CREBBP: variants seen among roughly 807,000 people sequenced by gnomAD.
The protein encoded by CREBBP is CREB binding lysine acetyltransferase.
A neutral mutation model predicts 265.0 loss-of-function variants in CREBBP; 19 were observed. The observed-to-expected ratio is 0.07, with a 90% CI of 0.05 to 0.11. The LOEUF (loss-of-function observed/expected upper bound fraction) is 0.11, where lower values mean the gene tolerates loss of function less well. CREBBP is among the 10% of genes least tolerant of loss of function. The pLI, the probability that CREBBP is intolerant of heterozygous loss-of-function variation, is 1.00. For missense variants in CREBBP, 2,525 were observed against 3,219.0 expected, an observed-to-expected ratio of 0.78 and a Z score of 5.22; for synonymous variants, 1,457 against 1,223.7, an observed-to-expected ratio of 1.19 and a Z score of -3.98.
chr16:3,848,117 C>T (rs1322016313), intron 2 of CREBBP, among the ~76,000 whole-genome samples: 1 of 151,740 alleles, frequency 6.6e-6, no homozygotes, highest in Non-Finnish European at 1.5e-5. Context: ...TTGCAGTGAG[C>T]CCAGATGGTG....
rs764396354 is a variant in CREBBP, at chr16:3,727,766, G to A, written c.7281C>T (p.Val2427=). ...RSALSSELSL[V]GDTTGDTLEK... ...CTAGCGTGTCCCCCGTGGTGTCCCCGACCAGGGACAGTTCGCTGGACAGCG... is the reference window on the plus strand; with the variant it reads ...CTAGCGTGTCCCCCGTGGTGTCCCCAACCAGGGACAGTTCGCTGGACAGCG... Residue 2427 remains valine (V), a synonymous_variant, in exon 31 of 31, where the codon GTC becomes GTT. Coordinates refer to ENST00000262367, the MANE Select transcript of CREBBP (RefSeq NM_004380.3). 9 of 1,614,002 alleles carry A rather than the reference G, an allele frequency of 5.6e-6. No individual in the cohort carries two copies. Among genetic ancestry groups the A allele is most frequent in the African/African-American group, 5.3e-5 (4 of 74,892 alleles).
chr16:3,875,987 A>T (rs908001759), intron 1 of CREBBP, among the ~76,000 whole-genome samples: 1 of 152,172 alleles, frequency 6.6e-6, no homozygotes, highest in Admixed American at 6.5e-5. Flanking sequence ...AGAGCCACTT[A>T]TACAGCACAG....
At chr16:3,755,706 C>T (rs2052570311) in intron 19 of CREBBP, among the ~76,000 whole-genome samples, 1 of 152,056 alleles carries the variant, frequency 6.6e-6, no homozygotes, top group African/African-American at 2.4e-5. Flanking sequence ...TAGGAAGGGG[C>T]TATGGTATCA....
intron 1 of CREBBP, among the ~76,000 whole-genome samples, chr16:3,871,232 CA>C (rs1597087108): frequency 6.6e-6 from 1 of 151,220 alleles, no homozygotes; most frequent in Non-Finnish European, 1.5e-5. Flanking sequence ...CACACACACA[CA>C]CCCCACCCTG....
intron 1 of CREBBP, among the ~76,000 whole-genome samples, chr16:3,873,985 G>C (rs1025289752): frequency 1.3e-5 from 2 of 152,176 alleles, no homozygotes; most frequent in Non-Finnish European, 2.9e-5. Context: ...GCTGGGAAGA[G>C]GGCCGTGGAA....
At chr16:3,855,359 C>A (rs1200752556) in intron 1 of CREBBP, among the ~76,000 whole-genome samples, 1 of 152,174 alleles carries the variant, frequency 6.6e-6, no homozygotes, top group African/African-American at 2.4e-5. Context: ...CCTTTGCCTC[C>A]CGGGTTCAAG....
chr16:3,846,855 T>C (rs1004077323), intron 2 of CREBBP, among the ~76,000 whole-genome samples: 15 of 152,350 alleles, frequency 9.8e-5, no homozygotes, highest in African/African-American at 3.6e-4. Flanking sequence ...GGTGAGAATT[T>C]GGGAGAACCA....
At chr16:3,740,658 G>T in intron 23 of CREBBP, 109 bp from the exon 24 acceptor site, 1 of 1,263,298 alleles carries the variant, frequency 7.9e-7, no homozygotes, top group Non-Finnish European at 1.1e-6. Flanking sequence ...TATTTTAAAG[G>T]ACTAATGTTC....
intron 1 of CREBBP, among the ~76,000 whole-genome samples, chr16:3,871,195 TCACTCACACACACACACACA>T (rs1398025572): frequency 4.8e-3 from 377 of 79,212 alleles, no homozygotes; most frequent in African/African-American, 0.017. Context: ...TCTCTCTCTC[TCACTCACACACACACACACA>T]CACACACACA....
chr16:3,860,875 G>T (rs145401763), intron 1 of CREBBP, among the ~76,000 whole-genome samples: 1 of 152,164 alleles, frequency 6.6e-6, no homozygotes, highest in African/African-American at 2.4e-5. Flanking sequence ...ACGGACACAG[G>T]AAGTGCAGTC....
intron 1 of CREBBP, among the ~76,000 whole-genome samples, chr16:3,858,906 G>A (rs1394728712): frequency 6.6e-6 from 1 of 152,306 alleles, no homozygotes; most frequent in East Asian, 1.9e-4. Context: ...AGCAACAGTA[G>A]TGTAAGAAAT....
intron 28 of CREBBP, among the ~76,000 whole-genome samples, chr16:3,732,751 A>C (rs2151321528): frequency 6.6e-6 from 1 of 151,840 alleles, no homozygotes; most frequent in African/African-American, 2.4e-5. Flanking sequence ...CCCAAGCTGA[A>C]GTGCAATAAC....
intron 23 of CREBBP, chr16:3,741,246 A>G (rs1482645702): frequency 6.3e-6 from 1 of 157,686 alleles, no homozygotes; most frequent in Non-Finnish European, 1.4e-5. Flanking sequence ...AGAACGCCTC[A>G]TATACAGGTT....
chr16:3,740,644 C>T (rs2151341949), intron 23 of CREBBP, 95 bp from the exon 24 acceptor site: 1 of 1,413,198 alleles, frequency 7.1e-7, no homozygotes, highest in Non-Finnish European at 9.9e-7. Context: ...GCAGCACAGG[C>T]TGATATTTTA....
chr16:3,839,068 GATT>G (rs869265468), intron 2 of CREBBP, among the ~76,000 whole-genome samples: 11 of 152,300 alleles, frequency 7.2e-5, no homozygotes, highest in South Asian at 4.2e-4. Context: ...GTAAGATAGA[GATT>G]ATTATCCATT....
At position 3,777,551 on chromosome 16, in the gene CREBBP, A is replaced by G. The variant is rs1423887844; in HGVS notation, c.2158+62T>C. On this transcript the variant is annotated intron_variant, in intron 11 of 30. Transcript: ENST00000262367. ...AATATACAGGGGGAGAGGAAAAAAC[A>G]GTGAAAGTTATGGCTGTTGAATGTA... 4 of 1,536,374 alleles carry G rather than the reference A, an allele frequency of 2.6e-6. No individual in the cohort carries two copies. In the African/African-American group the frequency reaches 4.1e-5, roughly 16 times the overall value.
At chr16:3,818,599 C>T (rs1180763359) in intron 2 of CREBBP, among the ~76,000 whole-genome samples, 4 of 152,124 alleles carry the variant, frequency 2.6e-5, no homozygotes, top group Admixed American at 1.3e-4. Flanking sequence ...GCTGGGATTA[C>T]AGGCGTGAGC....
rs76934307 is a variant in CREBBP at position 3,806,294 on chromosome 16, G to C, written c.975+4309C>G. Reference sequence around the variant, plus strand: ...CCCTTCCATTCAGAGACGTAGATCAGCAGCTGCCGTGGGCCCTGTCCACAA... The same window carrying C: ...CCCTTCCATTCAGAGACGTAGATCACCAGCTGCCGTGGGCCCTGTCCACAA... On this transcript the variant is annotated intron_variant, in intron 3 of 30. Coordinates refer to ENST00000262367, the MANE Select transcript of CREBBP (RefSeq NM_004380.3). 2.2e-3 allele frequency among the ~76,000 whole-genome samples: 332 copies of C among 152,274 alleles called. 2 individuals carry two copies. Among genetic ancestry groups the C allele is most frequent in the African/African-American group, 7.5e-3 (313 of 41,540 alleles).
chr16:3,728,869 T>C lies in CREBBP; in HGVS notation c.6178A>G (p.Arg2060Gly), dbSNP rs1461030167. ...GPRMPSVQPP[R>G]SISPSALQDL... ...TGCAGAGCGCTGGGTGAGATGCTCC[T>C]GGGTGGCTGCACGCTGGGCATCCGG... The change falls in exon 31 of 31, where the codon AGG (arginine) becomes GGG (glycine). Residue 2060 changes from arginine to glycine, a missense_variant. Arg to Gly is a moderately radical substitution (Grantham distance 125). Transcript: ENST00000262367. The surrounding 1 kb of genome is among the most constrained non-coding windows in gnomAD (Gnocchi z 8.7). The C allele has an allele frequency of 1.2e-6, 2 of 1,612,206 alleles. No individual in the cohort carries two copies. Among genetic ancestry groups the C allele is most frequent in the Non-Finnish European group, 1.7e-6 (2 of 1,179,824 alleles).
Sources: gnomAD v4.1 joint callset for allele counts (sites outside exome capture counted in the v4.1 genomes callset) on GRCh38, gnomAD v4.1.1 for gene constraint, Gnocchi (gnomAD v3.1) non-coding constraint, MANE v1.5 for transcripts, NCBI Gene and HGNC (gene_info 2026-07-23, HGNC 2026-07-21) for gene names.